The following ACOX2 variants were observed in gnomAD, a reference collection of about 807,000 sequenced individuals.
ACOX2 encodes peroxisomal acyl-coenzyme A oxidase 2.
A neutral mutation model predicts 77.5 loss-of-function variants in ACOX2; 59 were observed. The ratio of observed to expected loss-of-function variants is 0.76; its 90% CI spans 0.62 to 0.95. ACOX2 has a LOEUF of 0.95. Among genes scored for constraint, ACOX2 ranks in the 40% least tolerant of loss-of-function variants. The pLI is 0.00. For missense variants in ACOX2, 837 were observed against 880.4 expected, an observed-to-expected ratio of 0.95 and a Z score of 0.62; for synonymous variants, 317 against 340.1, an observed-to-expected ratio of 0.93 and a Z score of 0.75.
At position 58,514,661 on chromosome 3, in the gene ACOX2, C is replaced by T. The variant is rs1184176925; in HGVS notation, c.1850+2545G>A. Among the ~76,000 whole-genome samples the T allele has an allele frequency of 6.6e-6, 1 of 152,172 alleles. No homozygotes were observed. The highest frequency in any genetic ancestry group is 1.5e-5 in the Non-Finnish European group (1 of 68,034). ...GAAGTAAATCAATTTCTGGGTTTGACGCATGAGTAAGTTGGCAGATTGCAT... is the reference window on the plus strand; with the variant it reads ...GAAGTAAATCAATTTCTGGGTTTGATGCATGAGTAAGTTGGCAGATTGCAT... On this transcript the variant is annotated intron_variant, in intron 13 of 14. Coordinates refer to ENST00000302819, the MANE Select transcript of ACOX2 (RefSeq NM_003500.4). This position sits in a 1 kb window ranked among gnomAD's most constrained non-coding sequence, Gnocchi z 4.3.
In ACOX2 at chr3:58,531,166, C is replaced by T; in HGVS notation, c.819+85G>A. Reference sequence around the variant, plus strand: ...GAGGTTATGTGGCCCAAACTAAGCTCTATGGAGGACCCAGGCCCAGCCTGC... The same window carrying T: ...GAGGTTATGTGGCCCAAACTAAGCTTTATGGAGGACCCAGGCCCAGCCTGC... On this transcript the variant is annotated intron_variant, in intron 7 of 14. Transcript: ENST00000302819. The surrounding 1 kb of genome is among the most constrained non-coding windows in gnomAD (Gnocchi z 5.8). 1.6e-5 allele frequency: 20 copies of T among 1,261,358 alleles called. No individual in the cohort carries two copies. The highest frequency in any genetic ancestry group is 2.1e-5 in the Non-Finnish European group (19 of 893,568). The allele number at this position is 1,261,358 out of a possible 1,614,324, so 78.1% of individuals were successfully genotyped here. A position where few individuals can be genotyped will look rare whatever the true frequency, so the allele number is the denominator to read the frequency against.
chr3:58,517,726 A>T (rs1415918266), intron 12 of ACOX2, among the ~76,000 whole-genome samples: 1 of 152,106 alleles, frequency 6.6e-6, no homozygotes, highest in Non-Finnish European at 1.5e-5. Flanking sequence ...GAATACAGGC[A>T]TATTGGAGGC....
In ACOX2 at chr3:58,518,851, A is replaced by C. The variant is rs1306549690; in HGVS notation, c.1633-1428T>G. On this transcript the variant is annotated intron_variant, in intron 12 of 14. Coordinates refer to ENST00000302819, the MANE Select transcript of ACOX2 (RefSeq NM_003500.4). ...ACGAGGGTCTTGCTATGTTGCCTAC[A>C]CTGGTCTCGAACTCCTGAGCTCAAG... Among the ~76,000 whole-genome samples, 3 of 149,376 alleles carry C rather than the reference A, an allele frequency of 2.0e-5. 1 individual carries two copies. The highest frequency in any genetic ancestry group is 4.2e-4 in the South Asian group (2 of 4,746).
Position 58,514,417 on chromosome 3 carries a change from G to A in ACOX2, c.1850+2789C>T, listed in dbSNP as rs993106071. On this transcript the variant is annotated intron_variant, in intron 13 of 14. Transcript: ENST00000302819. The surrounding 1 kb of genome is among the most constrained non-coding windows in gnomAD (Gnocchi z 4.3). ...TCCCCCCAGCTGAGGTTTTATGACC[G>A]CTTAAACAACTAAAAACTGTTTGGG... Among the ~76,000 whole-genome samples the A allele has an allele frequency of 1.3e-5, 2 of 152,094 alleles. No individual in the cohort carries two copies. Among genetic ancestry groups the A allele is most frequent in the African/African-American group, 4.8e-5 (2 of 41,416 alleles).
Position 58,526,014 on chromosome 3 carries a change from C to CA in ACOX2, c.1346+451dup, listed in dbSNP as rs112008217. Among the ~76,000 whole-genome samples the CA allele has an allele frequency of 3.3e-3, 472 of 141,108 alleles. 2 individuals carry two copies. Among genetic ancestry groups the CA allele is most frequent in the Non-Finnish European group, 5.7e-3 (368 of 64,442 alleles). The allele number at this position is 141,108 out of a possible 152,430, so 92.6% of individuals were successfully genotyped here. A position where few individuals can be genotyped will look rare whatever the true frequency, so the allele number is the denominator to read the frequency against. Reference sequence around the variant, plus strand: ...CCTGGGTGACAGTGAGACTCCATCTCAAAAAAAAAAAGAAGAAGAAGAAGT... The same window carrying CA: ...CCTGGGTGACAGTGAGACTCCATCTCAAAAAAAAAAAAGAAGAAGAAGAAGT... On this transcript the variant is annotated intron_variant, in intron 10 of 14. Transcript: ENST00000302819. This position sits in a 1 kb window ranked among gnomAD's most constrained non-coding sequence, Gnocchi z 4.3.
chr3:58,524,522 A>T lies in ACOX2; in HGVS notation c.1430T>A (p.Leu477His). 2 of 1,614,150 alleles carry T rather than the reference A, an allele frequency of 1.2e-6. No homozygotes were observed. The highest frequency in any genetic ancestry group is 1.7e-6 in the Non-Finnish European group (2 of 1,180,022). ...QRSLSPSVAY[L>H]TAPDLARCPA... ...ACACCTGGCCAGGTCAGGTGCGGTG[A>T]GATATGCGACAGATGGAGAGAGAGA... The change falls in exon 11 of 15, where the codon CTC (leucine) becomes CAC (histidine). Residue 477 changes from leucine to histidine, a missense_variant. By Grantham distance (99) the Leu-to-His change is moderately conservative (BLOSUM62 -3). Coordinates refer to ENST00000302819, the MANE Select transcript of ACOX2 (RefSeq NM_003500.4). This position sits in a 1 kb window ranked among gnomAD's most constrained non-coding sequence, Gnocchi z 5.5.
In ACOX2 at chr3:58,533,425, G is replaced by C. The variant is rs189223021; in HGVS notation, c.583+20C>G. On this transcript the variant is annotated intron_variant, in intron 5 of 14. Transcript: ENST00000302819. The surrounding 1 kb of genome is among the most constrained non-coding windows in gnomAD (Gnocchi z 5.6). ...TTCTACTTGGGGAGAGTTAAGGAAGGGGGGTGGATGTATACTCACAGTCTC... is the reference window on the plus strand; with the variant it reads ...TTCTACTTGGGGAGAGTTAAGGAAGCGGGGTGGATGTATACTCACAGTCTC... 5 of 1,604,466 alleles carry C rather than the reference G, an allele frequency of 3.1e-6. No homozygotes were observed. The highest frequency in any genetic ancestry group is 1.3e-5 in the African/African-American group (1 of 74,640).
chr3:58,527,463 G>A (rs1008013253), intron 9 of ACOX2, among the ~76,000 whole-genome samples: 13 of 150,326 alleles, frequency 8.6e-5, no homozygotes, highest in Admixed American at 1.3e-4. Flanking sequence ...TTGAACCTGG[G>A]AGGCGGAGGT....
chr3:58,535,115 G>A lies in ACOX2; in HGVS notation c.-9C>T. 6.2e-7 allele frequency: 1 copy of A among 1,614,162 alleles called. No homozygotes were observed. The highest frequency in any genetic ancestry group is 1.3e-5 in the African/African-American group (1 of 75,024). ...TGCACTGGGCTGCCCATCCTATCCT[G>A]GATCTGTCTGGTGACTATGGAGAGA... On this transcript the variant is annotated 5_prime_UTR_variant, in exon 2 of 15. Transcript: ENST00000302819. The surrounding 1 kb of genome is among the most constrained non-coding windows in gnomAD (Gnocchi z 4.8).
In ACOX2 at chr3:58,529,381, A is replaced by G. The variant is rs561825617; in HGVS notation, c.993-425T>C. On this transcript the variant is annotated intron_variant, in intron 8 of 14. Transcript: ENST00000302819. ...AGGAATATGTCAAGCCTAAACAATA[A>G]CTCTTAGGATGTAAACTCAGGTCTG... 1.4e-4 allele frequency among the ~76,000 whole-genome samples: 22 copies of G among 152,074 alleles called. No individual in the cohort carries two copies. In the East Asian group the frequency reaches 3.5e-3, roughly 24 times the overall value.
At position 58,524,498 on chromosome 3, in the gene ACOX2, C is replaced by CA; in HGVS notation, c.1453dup (p.Cys485LeufsTer43). Reference sequence around the variant, plus strand: ...GAAGTCGGCTGCCCTCTGGGCTGGACACCTGGCCAGGTCAGGTGCGGTGAG... The same window carrying CA: ...GAAGTCGGCTGCCCTCTGGGCTGGACAACCTGGCCAGGTCAGGTGCGGTGAG... On this transcript the variant is annotated frameshift_variant, in exon 11 of 15. Coordinates refer to ENST00000302819, the MANE Select transcript of ACOX2 (RefSeq NM_003500.4). LOFTEE classifies it high-confidence loss of function. The surrounding 1 kb of genome is among the most constrained non-coding windows in gnomAD (Gnocchi z 5.5). The CA allele has an allele frequency of 1.2e-6, 2 of 1,614,178 alleles. No homozygotes were observed. Among genetic ancestry groups the CA allele is most frequent in the Non-Finnish European group, 1.7e-6 (2 of 1,180,032 alleles).
Position 58,508,436 on chromosome 3 carries a change from A to G in ACOX2, c.1983+457T>C, listed in dbSNP as rs575135116. 2.8e-3 allele frequency among the ~76,000 whole-genome samples: 430 copies of G among 152,332 alleles called. 2 individuals carry two copies. The highest frequency in any genetic ancestry group is 9.8e-3 in the African/African-American group (407 of 41,576). ...AGGGTATCATCTCTAGCAGGCAATC[A>G]GGTCTAAGAGAGACATCCCTCAAGC... On this transcript the variant is annotated intron_variant, in intron 14 of 14. Coordinates refer to ENST00000302819, the MANE Select transcript of ACOX2 (RefSeq NM_003500.4).
chr3:58,521,216 C>T lies in ACOX2; in HGVS notation c.1632+1280G>A, dbSNP rs146461211. ...GAGGGCTGCAGAGGTAATCCCATCA[C>T]GTGTGGTGTGGTGGAGGTGGTGGGT... On this transcript the variant is annotated intron_variant, in intron 12 of 14. Transcript: ENST00000302819. The surrounding 1 kb of genome is among the most constrained non-coding windows in gnomAD (Gnocchi z 4.8). Among the ~76,000 whole-genome samples the T allele has an allele frequency of 2.9e-4, 44 of 152,256 alleles. No homozygotes were observed. Among genetic ancestry groups the T allele is most frequent in the Non-Finnish European group, 5.3e-4 (36 of 68,026 alleles).
Position 58,526,809 on chromosome 3 carries a change from G to A in ACOX2, c.1156-153C>T, listed in dbSNP as rs761676073. On this transcript the variant is annotated intron_variant, in intron 9 of 14. Transcript: ENST00000302819. This position sits in a 1 kb window ranked among gnomAD's most constrained non-coding sequence, Gnocchi z 4.3. Reference sequence around the variant, plus strand: ...CTCACAACTTTATGAATGAGAAGGCGGGTACTCAGCTTATGTGACTCACCC... The same window carrying A: ...CTCACAACTTTATGAATGAGAAGGCAGGTACTCAGCTTATGTGACTCACCC... The A allele has an allele frequency of 5.2e-5, 42 of 814,168 alleles. No homozygotes were observed. The highest frequency in any genetic ancestry group is 7.7e-5 in the Non-Finnish European group (41 of 530,626). The allele number at this position is 814,168 out of a possible 1,614,324, so 50.4% of individuals were successfully genotyped here.
chr3:58,515,593 A>G lies in ACOX2; in HGVS notation c.1850+1613T>C, dbSNP rs2063317120. On this transcript the variant is annotated intron_variant, in intron 13 of 14. Transcript: ENST00000302819. This position sits in a 1 kb window ranked among gnomAD's most constrained non-coding sequence, Gnocchi z 4.0. ...ATTACAGGTGTGAGCCACTGCTCCC[A>G]GCCTCTTTTTTTCTTTTTATTAGTC... Among the ~76,000 whole-genome samples the G allele has an allele frequency of 6.6e-6, 1 of 152,122 alleles. No homozygotes were observed. The highest frequency in any genetic ancestry group is 1.5e-5 in the Non-Finnish European group (1 of 68,024).
At chr3:58,532,732 C>T (rs2063450088) in intron 5 of ACOX2, among the ~76,000 whole-genome samples, 1 of 152,184 alleles carries the variant, frequency 6.6e-6, no homozygotes, top group African/African-American at 2.4e-5. Flanking sequence ...CTCCCTCTCT[C>T]TATGTGTCTC....
At chr3:58,532,607 A>C (rs2063449073) in intron 5 of ACOX2, among the ~76,000 whole-genome samples, 1 of 151,446 alleles carries the variant, frequency 6.6e-6, no homozygotes, top group African/African-American at 2.4e-5. Context: ...GCTGGTTCAA[A>C]CTCCTGACCT....
In ACOX2 at chr3:58,530,459, C is replaced by T. The variant is rs1284187393; in HGVS notation, c.992+7G>A. On this transcript the variant is annotated splice_region_variant and intron_variant, in intron 8 of 14. Coordinates refer to ENST00000302819, the MANE Select transcript of ACOX2 (RefSeq NM_003500.4). ...TCTGCGGTAGTCAGTCACTGGGCAC[C>T]CCTTGCCTGGGCCGGAGCCGGGATT... is the stretch of plus-strand genomic sequence containing the variant. 1 of 1,613,122 alleles carries T rather than the reference C, an allele frequency of 6.2e-7. No individual in the cohort carries two copies. Among genetic ancestry groups the T allele is most frequent in the South Asian group, 1.1e-5 (1 of 90,954 alleles).
At chr3:58,513,529 C>G (rs2063301696) in intron 13 of ACOX2, among the ~76,000 whole-genome samples, 1 of 151,920 alleles carries the variant, frequency 6.6e-6, no homozygotes, top group African/African-American at 2.4e-5. Flanking sequence ...TTTTTAACTT[C>G]AAGGAGCTCT....
Sources: allele counts gnomAD v4.1 joint callset (sites outside exome capture counted in the v4.1 genomes callset), GRCh38; gene constraint gnomAD v4.1.1; non-coding constraint Gnocchi (gnomAD v3.1); transcripts MANE v1.5; gene names NCBI Gene and HGNC (gene_info 2026-07-23, HGNC 2026-07-21).